Variants in SMIM8 observed in about 807,000 individuals in gnomAD.
SMIM8 encodes UPF0708 protein C6orf162.
In SMIM8, 8 loss-of-function variants were observed where a neutral mutation model predicts 8.1. The ratio of observed to expected loss-of-function variants is 0.99; its 90% CI spans 0.58 to 1.78. The LOEUF is 1.78. SMIM8 is among the 40% of genes most tolerant of loss of function. The pLI is 0.00. For synonymous variants in SMIM8, 45 were observed against 39.7 expected, an observed-to-expected ratio of 1.13 and a Z score of -0.50; for missense variants, 126 against 119.8, an observed-to-expected ratio of 1.05 and a Z score of -0.24.
chr6:87,328,084 G>C (rs1776879593), intron 1 of SMIM8, among the ~76,000 whole-genome samples: 1 of 152,098 alleles, frequency 6.6e-6, no homozygotes, highest in Non-Finnish European at 1.5e-5. Flanking sequence ...CGTAGTTCTT[G>C]AGCCTTGGTT....
intron 2 of SMIM8, among the ~76,000 whole-genome samples, chr6:87,336,551 G>A (rs554933560): frequency 6.6e-6 from 1 of 152,260 alleles, no homozygotes; most frequent in East Asian, 1.9e-4. Flanking sequence ...CTGGCCAGGA[G>A]TGAATCTGTA....
At chr6:87,330,249 T>A (rs1185922570) in intron 1 of SMIM8, among the ~76,000 whole-genome samples, 1 of 152,236 alleles carries the variant, frequency 6.6e-6, no homozygotes, top group African/African-American at 2.4e-5. Context: ...TTTATAATTC[T>A]CTGTCTTTTA....
At chr6:87,327,238 C>A (rs535815024) in intron 1 of SMIM8, among the ~76,000 whole-genome samples, 1 of 146,724 alleles carries the variant, frequency 6.8e-6, no homozygotes, top group South Asian at 2.2e-4. Flanking sequence ...CAGTCTGTGT[C>A]TTTTAATTGG....
At position 87,340,410 on chromosome 6, in the gene SMIM8, C is replaced by T; in HGVS notation, c.*136C>T. The T allele has an allele frequency of 2.3e-6, 2 of 863,498 alleles. No homozygotes were observed. The highest frequency in any genetic ancestry group is 6.7e-5 in the East Asian group (2 of 29,772). 53.5% of individuals were successfully genotyped at this position (863,498 alleles called of 1,614,324 possible). A position where few individuals can be genotyped will look rare whatever the true frequency, so the allele number is the denominator to read the frequency against. ...AGAGAAGATAGCAGTTGCAACCAGACAACTGTCGTAAATTTTGTCCTTTCA... is the reference window on the plus strand; with the variant it reads ...AGAGAAGATAGCAGTTGCAACCAGATAACTGTCGTAAATTTTGTCCTTTCA... On this transcript the variant is annotated 3_prime_UTR_variant, in exon 4 of 4. Transcript: ENST00000392863.
chr6:87,324,329 C>G (rs927410970), intron 1 of SMIM8, among the ~76,000 whole-genome samples: 1 of 152,212 alleles, frequency 6.6e-6, no homozygotes, highest in African/African-American at 2.4e-5. Context: ...GTGTTTTAGA[C>G]ATGAAGTCCT....
At chr6:87,336,005 C>T (rs145672370) in intron 2 of SMIM8, among the ~76,000 whole-genome samples, 1 of 151,934 alleles carries the variant, frequency 6.6e-6, no homozygotes, top group East Asian at 1.9e-4. Flanking sequence ...CCAGTCTAGG[C>T]AATCGAGTAA....
At chr6:87,339,050 C>T (rs991920731) in intron 3 of SMIM8, among the ~76,000 whole-genome samples, 4 of 151,890 alleles carry the variant, frequency 2.6e-5, no homozygotes, top group Admixed American at 2.0e-4. Context: ...TAAAATTAGT[C>T]TGGCCACAGT....
At chr6:87,337,280 C>T in intron 3 of SMIM8, 114 bp downstream of exon 3, 2 of 1,199,470 alleles carry the variant, frequency 1.7e-6, no homozygotes, top group Non-Finnish European at 2.2e-6. Context: ...CAAGTAAGAC[C>T]TCTCTGTGAA....
Position 87,340,502 on chromosome 6 carries a change from T to C in SMIM8, c.*228T>C, listed in dbSNP as rs1373099265. 1 of 314,440 alleles carries C rather than the reference T, an allele frequency of 3.2e-6. No homozygotes were observed. Among genetic ancestry groups the C allele is most frequent in the Non-Finnish European group, 5.7e-6 (1 of 176,424 alleles). The allele number at this position is 314,440 out of a possible 1,614,324, so 19.5% of individuals were successfully genotyped here. ...GTCATAATATTTTTCTTTCCTTACC[T>C]CTTATAAAAGTGCCATGAGAATGGA... On this transcript the variant is annotated 3_prime_UTR_variant, in exon 4 of 4. Transcript: ENST00000392863.
chr6:87,341,583 A>C lies in SMIM8; in HGVS notation c.*1309A>C. ...TGCTTCAGTCGCTATTAATATTACC[A>C]AGTAATAATAACAGCACAGGCAGAG... On this transcript the variant is annotated 3_prime_UTR_variant, in exon 4 of 4. Transcript: ENST00000392863. 3.2e-6 allele frequency: 1 copy of C among 316,394 alleles called. No individual in the cohort carries two copies. The highest frequency in any genetic ancestry group is 5.7e-6 in the Non-Finnish European group (1 of 175,446). The allele number at this position is 316,394 out of a possible 1,614,324, so 19.6% of individuals were successfully genotyped here.
intron 2 of SMIM8, among the ~76,000 whole-genome samples, chr6:87,334,225 A>T (rs1777054395): frequency 6.6e-6 from 1 of 152,156 alleles, no homozygotes; most frequent in African/African-American, 2.4e-5. Flanking sequence ...TCAGCTTGAG[A>T]TTTAGAGGGG....
intron 1 of SMIM8, among the ~76,000 whole-genome samples, chr6:87,327,734 T>C (rs1231868033): frequency 3.4e-5 from 5 of 146,380 alleles, no homozygotes; most frequent in Admixed American, 6.8e-5. Context: ...TTATGTGTCT[T>C]GGAGTTGCTC....
intron 2 of SMIM8, among the ~76,000 whole-genome samples, chr6:87,332,430 A>G (rs1192696777): frequency 1.3e-5 from 2 of 149,524 alleles, no homozygotes; most frequent in African/African-American, 4.9e-5. Context: ...AAAATTATAT[A>G]CAGTATATAA....
At chr6:87,322,662 G>C (rs550131123) in intron 1 of SMIM8, 30 bp downstream of exon 1, 1 of 152,200 alleles carries the variant, frequency 6.6e-6, no homozygotes, top group African/African-American at 2.4e-5. Flanking sequence ...GTGTTGAGTG[G>C]CTGGGCGCCG....
chr6:87,327,644 C>G (rs1291464215), intron 1 of SMIM8, among the ~76,000 whole-genome samples: 4 of 151,236 alleles, frequency 2.6e-5, no homozygotes, highest in Non-Finnish European at 1.5e-5. Flanking sequence ...TGATGGGCTT[C>G]CCTTTGTGGG....
intron 1 of SMIM8, among the ~76,000 whole-genome samples, chr6:87,328,881 C>G (rs969523081): frequency 2.8e-4 from 42 of 152,350 alleles, no homozygotes; most frequent in African/African-American, 9.9e-4. Context: ...TGATCTCAGA[C>G]TGCTGTGCTA....
At chr6:87,325,006 C>T (rs1224511055) in intron 1 of SMIM8, among the ~76,000 whole-genome samples, 3 of 151,812 alleles carry the variant, frequency 2.0e-5, no homozygotes, top group African/African-American at 7.3e-5. Context: ...AGTTGGATTC[C>T]TAGGTATTTT....
chr6:87,327,105 T>C (rs1776842470), intron 1 of SMIM8, among the ~76,000 whole-genome samples: 1 of 151,622 alleles, frequency 6.6e-6, no homozygotes, highest in Non-Finnish European at 1.5e-5. Context: ...CTTTTTTTTG[T>C]TTTCCATTTG....
chr6:87,337,123 C>T lies in SMIM8; in HGVS notation c.92C>T (p.Thr31Ile). ...CCAGGGCTCAGAGGGGTGCGCACAACAACCTTATTTCGTGCTGTGAATCCA... is the reference window on the plus strand; with the variant it reads ...CCAGGGCTCAGAGGGGTGCGCACAATAACCTTATTTCGTGCTGTGAATCCA... ...QSPGLRGVRT[T>I]TLFRAVNPEL... is the part of the protein sequence containing the mutation. The change falls in exon 3 of 4, where the codon ACA becomes ATA. Residue 31 changes from threonine (T) to isoleucine (I), a missense_variant. Physicochemically the swap from Thr to Ile is moderately conservative, Grantham distance 89 (BLOSUM62 -1). Transcript: ENST00000392863. 6.2e-7 allele frequency: 1 copy of T among 1,612,976 alleles called. No individual in the cohort carries two copies.
Sources: allele counts gnomAD v4.1 joint callset (sites outside exome capture counted in the v4.1 genomes callset), GRCh38; gene constraint gnomAD v4.1.1; transcripts MANE v1.5; gene names NCBI Gene and HGNC (gene_info 2026-07-23, HGNC 2026-07-21).